The following GTF2A1 variants were observed in gnomAD, a reference collection of about 807,000 sequenced individuals.
GTF2A1 encodes the protein transcription initiation factor IIA subunit 1.
In GTF2A1, 12 loss-of-function variants were observed where a neutral mutation model predicts 54.1. The ratio of observed to expected loss-of-function variants is 0.22; its 90% confidence interval spans 0.14 to 0.36. The LOEUF is 0.36. Ranked by LOEUF, GTF2A1 falls within the 10% of genes least tolerant of loss-of-function variation. The pLI is 1.00. For missense variants in GTF2A1, 335 were observed against 442.2 expected (o/e 0.76, Z 2.17); for synonymous variants, 145 against 152.0 (o/e 0.95, Z 0.34).
intron 2 of GTF2A1, among the ~76,000 whole-genome samples, chr14:81,212,270 C>A (rs1043788251): frequency 6.6e-6 from 1 of 152,134 alleles, no homozygotes. Context: ...GTTGGAAAAT[C>A]TAGAAATCAG....
chr14:81,208,701 C>T (rs565250382), intron 2 of GTF2A1, among the ~76,000 whole-genome samples: 5 of 152,326 alleles, frequency 3.3e-5, no homozygotes, highest in South Asian at 2.1e-4. Flanking sequence ...TGCAAAGCCA[C>T]GGGGCAGAGT....
rs1566863961 is a variant in GTF2A1 at position 81,220,532 on chromosome 14, AC to A, written c.-15del. On this transcript the variant is annotated 5_prime_UTR_variant, in exon 1 of 9. Transcript: ENST00000553612. ...CGAGTTCGCCATTTCCACACACAAC[AC>A]AAACAAGAGGGGGCAACCCCAAGAA... is the stretch of plus-strand genomic sequence containing the variant. 7.0e-6 allele frequency: 11 copies of A among 1,565,548 alleles called. No homozygotes were observed. The South Asian group carries it at 1.2e-4, about 17-fold the overall frequency.
chr14:81,211,032 C>T (rs1893353075), intron 2 of GTF2A1, among the ~76,000 whole-genome samples: 1 of 152,196 alleles, frequency 6.6e-6, no homozygotes, highest in South Asian at 2.1e-4. Context: ...TTTATAAATA[C>T]ATGTACAAAC....
At chr14:81,190,484 C>T (rs976626440) in intron 7 of GTF2A1, among the ~76,000 whole-genome samples, 8 of 151,896 alleles carry the variant, frequency 5.3e-5, no homozygotes, top group African/African-American at 1.2e-4. Flanking sequence ...CCCAGGAGTA[C>T]AAGATTGGTT....
chr14:81,181,132 C>CT lies in GTF2A1; in HGVS notation c.1024-803dup, dbSNP rs1566849501. Among the ~76,000 whole-genome samples the CT allele has an allele frequency of 2.0e-5, 3 of 152,320 alleles. No homozygotes were observed. The East Asian group carries it at 5.8e-4, about 29-fold the overall frequency. On this transcript the variant is annotated intron_variant, in intron 8 of 8. Coordinates refer to ENST00000553612, the MANE Select transcript of GTF2A1 (RefSeq NM_015859.4). ...AACAAAAAGAGCTGAAGGGCAGGCTCTGGGCACTCCCATCTTTGCCTTCAC... is the reference window on the plus strand; with the variant it reads ...AACAAAAAGAGCTGAAGGGCAGGCTCTTGGGCACTCCCATCTTTGCCTTCAC...
intron 7 of GTF2A1, among the ~76,000 whole-genome samples, chr14:81,191,350 C>A (rs998853079): frequency 1.3e-5 from 2 of 152,084 alleles, no homozygotes; most frequent in Non-Finnish European, 2.9e-5. Context: ...GCATTTGTGT[C>A]CCCAGAAGAC....
chr14:81,220,298 TCGGCGCCCCCCCGCGCCCGCCGCC>T (rs917139132), intron 1 of GTF2A1, among the ~76,000 whole-genome samples, 167 bp downstream of exon 1: 1 of 125,850 alleles, frequency 7.9e-6, no homozygotes, highest in Non-Finnish European at 1.7e-5. Flanking sequence ...CCGCGAGCCC[TCGGCGCCCCCCCGCGCCCGCCGCC>T]CGGCGCTCCG....
chr14:81,205,767 G>A (rs1595224287), intron 2 of GTF2A1, among the ~76,000 whole-genome samples: 1 of 152,244 alleles, frequency 6.6e-6, no homozygotes, highest in South Asian at 2.1e-4. Flanking sequence ...CTAATCCCAG[G>A]CGAAAGACAG....
At chr14:81,186,354 C>T (rs1892745282) in intron 7 of GTF2A1, among the ~76,000 whole-genome samples, 1 of 152,136 alleles carries the variant, frequency 6.6e-6, no homozygotes, top group Non-Finnish European at 1.5e-5. Flanking sequence ...GTCTGCCTTG[C>T]TGTCTTTACA....
At chr14:81,195,631 C>CAA (rs1892975786) in intron 6 of GTF2A1, among the ~76,000 whole-genome samples, 21 of 9,318 alleles carry the variant, frequency 2.3e-3, no homozygotes, top group Non-Finnish European at 4.4e-3. Context: ...GACTCTGTCT[C>CAA]GAAAAAAAAA....
At chr14:81,208,971 C>A (rs941209827) in intron 2 of GTF2A1, among the ~76,000 whole-genome samples, 10 of 152,164 alleles carry the variant, frequency 6.6e-5, no homozygotes, top group Non-Finnish European at 1.3e-4. Context: ...AAGGGACTTG[C>A]CTTGTCTCAG....
chr14:81,178,167 T>C lies in GTF2A1; in HGVS notation c.*2056A>G, dbSNP rs545008570. The C allele has an allele frequency of 4.6e-5, 7 of 152,200 alleles. No homozygotes were observed. Among genetic ancestry groups the C allele is most frequent in the African/African-American group, 1.7e-4 (7 of 41,536 alleles). The allele number at this position is 152,200 out of a possible 1,614,324, so 9.4% of individuals were successfully genotyped here. ...CCAAGACAAGCTGAATATCATACAG[T>C]AATCCAAGTTTCAGTAGCATAAAAA... On this transcript the variant is annotated 3_prime_UTR_variant, in exon 9 of 9. Transcript: ENST00000553612.
chr14:81,195,632 G>GAAAAAA (rs34366586), intron 6 of GTF2A1, among the ~76,000 whole-genome samples: 3 of 118,526 alleles, frequency 2.5e-5, no homozygotes, highest in Non-Finnish European at 3.3e-5. Flanking sequence ...ACTCTGTCTC[G>GAAAAAA]AAAAAAAAAA....
upstream of GTF2A1, chr14:81,221,250 A>C (rs1316634869): frequency 6.6e-6 from 1 of 152,234 alleles, no homozygotes; most frequent in Non-Finnish European, 1.5e-5. Flanking sequence ...AAAAGACGGG[A>C]GTTCTACTGA....
chr14:81,197,028 T>C (rs534885542), intron 5 of GTF2A1, among the ~76,000 whole-genome samples: 14 of 152,312 alleles, frequency 9.2e-5, no homozygotes, highest in African/African-American at 3.1e-4. Context: ...TGTATAATAA[T>C]AGCATACAAT....
rs1445598835 is a variant in GTF2A1 at position 81,220,415 on chromosome 14, C to T, written c.30+74G>A. 4.7e-6 allele frequency: 5 copies of T among 1,072,734 alleles called. No individual in the cohort carries two copies. The African/African-American group carries it at 5.0e-5, about 11-fold the overall frequency. The allele number at this position is 1,072,734 out of a possible 1,614,324, so 66.5% of individuals were successfully genotyped here. ...AGTCGAGGCCGGGAGTCGCCGCCGT[C>T]CCCGCCCCCGCCCGGTCCGGCCGTT... On this transcript the variant is annotated intron_variant, in intron 1 of 8. Coordinates refer to ENST00000553612, the MANE Select transcript of GTF2A1 (RefSeq NM_015859.4).
chr14:81,213,101 TCA>T (rs1170818392), intron 2 of GTF2A1, among the ~76,000 whole-genome samples: 3 of 152,230 alleles, frequency 2.0e-5, no homozygotes, highest in African/African-American at 7.2e-5. Flanking sequence ...ACTATTTTGT[TCA>T]GTTAGATTCA....
intron 2 of GTF2A1, among the ~76,000 whole-genome samples, chr14:81,208,534 G>A (rs1018789664): frequency 2.6e-5 from 4 of 152,352 alleles, no homozygotes; most frequent in Admixed American, 2.0e-4. Context: ...CTGGGGCAGT[G>A]CCCAGTGGAG....
chr14:81,219,625 A>G (rs1333950890), intron 1 of GTF2A1, among the ~76,000 whole-genome samples: 1 of 152,136 alleles, frequency 6.6e-6, no homozygotes. Flanking sequence ...CGGGCAAAAA[A>G]CGTGTTTTAT....
Sources: allele counts gnomAD v4.1 joint callset (sites outside exome capture counted in the v4.1 genomes callset), GRCh38; gene constraint gnomAD v4.1.1; transcripts MANE v1.5; gene names NCBI Gene and HGNC (gene_info 2026-07-23, HGNC 2026-07-21).